The following UNC5A variants were observed in gnomAD, a reference collection of about 807,000 sequenced individuals.
UNC5A encodes the protein unc-5 netrin receptor A, also known as netrin receptor UNC5A.
Under a neutral mutation model 87.4 loss-of-function variants are expected in UNC5A, and 20 were observed. The ratio of observed to expected loss-of-function variants is 0.23; its 90% CI spans 0.16 to 0.33. UNC5A has a LOEUF of 0.33. UNC5A is among the 10% of genes least tolerant of loss of function. The pLI, the probability that UNC5A is intolerant of heterozygous loss-of-function variation, is 1.00. For synonymous variants in UNC5A, 438 were observed against 482.3 expected, an observed-to-expected ratio of 0.91 and a Z score of 1.20; for missense variants, 844 against 1,133.4, an observed-to-expected ratio of 0.74 and a Z score of 3.67.
At chr5:176,832,044 C>T (rs1281860033) in intron 1 of UNC5A, among the ~76,000 whole-genome samples, 1 of 151,934 alleles carries the variant, frequency 6.6e-6, no homozygotes, top group African/African-American at 2.4e-5. Context: ...CTACAGGTGC[C>T]TGCAACCACG....
chr5:176,829,378 GTGGATGGGTGGA>G (rs1359905509), intron 1 of UNC5A, among the ~76,000 whole-genome samples: 70 of 143,172 alleles, frequency 4.9e-4, no homozygotes, highest in African/African-American at 1.4e-3. Context: ...GATAAAGTGG[GTGGATGGGTGGA>G]TGGATGGGTG....
intron 1 of UNC5A, among the ~76,000 whole-genome samples, chr5:176,859,527 TC>T (rs1757776092): frequency 1.4e-5 from 1 of 72,866 alleles, no homozygotes; most frequent in Admixed American, 1.6e-4. Flanking sequence ...TGCTAGAATG[TC>T]CTTGCTAGAG....
chr5:176,842,510 T>TATATATA (rs1757301926), intron 1 of UNC5A, among the ~76,000 whole-genome samples: 1 of 151,036 alleles, frequency 6.6e-6, no homozygotes, highest in African/African-American at 2.5e-5. Context: ...TATATATATA[T>TATATATA]GATGGAATAC....
At chr5:176,826,936 G>A (rs897890864) in intron 1 of UNC5A, among the ~76,000 whole-genome samples, 1 of 152,016 alleles carries the variant, frequency 6.6e-6, no homozygotes, top group African/African-American at 2.4e-5. Context: ...ACCGCGCCCG[G>A]CCCAAACATT....
At chr5:176,834,665 T>TTCTCTCTCTCTCTCTCTCTCTCTC (rs369472376) in intron 1 of UNC5A, among the ~76,000 whole-genome samples, 18 of 101,364 alleles carry the variant, frequency 1.8e-4, no homozygotes, top group African/African-American at 3.1e-4. Flanking sequence ...ACGTCCCGTC[T>TTCTCTCTCTCTCTCTCTCTCTCTC]TCTCTCTCTC....
At position 176,878,458 on chromosome 5, in the gene UNC5A, C is replaced by A. The variant is rs112938392; in HGVS notation, c.2020-17C>A. 2.4e-5 allele frequency: 38 copies of A among 1,611,598 alleles called. No individual in the cohort carries two copies. The highest frequency in any genetic ancestry group is 2.1e-4 in the African/African-American group (16 of 75,038). On this transcript the variant is annotated splice_polypyrimidine_tract_variant and intron_variant, in intron 12 of 14. Coordinates refer to ENST00000329542, the MANE Select transcript of UNC5A (RefSeq NM_133369.3). The stretch of plus-strand genomic sequence containing the variant: ...AGCTTGGGCTCACCTGACACCTCCT[C>A]TCTGCATCCCCATCAGGAGATCCCC...
At chr5:176,855,332 C>T (rs1009423570) in intron 1 of UNC5A, among the ~76,000 whole-genome samples, 7 of 152,246 alleles carry the variant, frequency 4.6e-5, no homozygotes, top group Admixed American at 3.9e-4. Context: ...GGTCTCCCTT[C>T]CCAAAAACCC....
intron 6 of UNC5A, among the ~76,000 whole-genome samples, chr5:176,871,888 C>A (rs74199605): frequency 4.9e-5 from 1 of 20,262 alleles, no homozygotes; most frequent in Admixed American, 3.9e-4. Flanking sequence ...CCACAGCTTC[C>A]CATCTGCCCA....
chr5:176,863,720 C>G (rs1210812356), intron 2 of UNC5A, among the ~76,000 whole-genome samples: 14 of 137,134 alleles, frequency 1.0e-4, no homozygotes, highest in Non-Finnish European at 1.7e-4. Flanking sequence ...TCCTCCTCCC[C>G]CTCCTCCCCC....
chr5:176,879,205 G>A (rs1758346736), intron 13 of UNC5A, 105 bp from the exon 14 acceptor site: 58 of 1,343,326 alleles, frequency 4.3e-5, no homozygotes, highest in Admixed American at 7.1e-5. Context: ...TGCTCATGCC[G>A]CCCCCATGCT....
intron 1 of UNC5A, among the ~76,000 whole-genome samples, chr5:176,811,073 C>A (rs1378979964): frequency 6.6e-6 from 1 of 152,182 alleles, no homozygotes; most frequent in Non-Finnish European, 1.5e-5. Context: ...AGACACCCCA[C>A]GCCTCCGGGT....
At chr5:176,850,091 A>G (rs1056671789) in intron 1 of UNC5A, among the ~76,000 whole-genome samples, 1 of 152,220 alleles carries the variant, frequency 6.6e-6, no homozygotes, top group African/African-American at 2.4e-5. Flanking sequence ...GGAGCAAGCC[A>G]TGCAGCCCCA....
At chr5:176,837,677 C>G (rs995602285) in intron 1 of UNC5A, among the ~76,000 whole-genome samples, 2 of 152,194 alleles carry the variant, frequency 1.3e-5, no homozygotes, top group East Asian at 1.9e-4. Context: ...TCCTAAGATG[C>G]CTTGGGCCCT....
At chr5:176,814,410 C>T (rs2113576867) in intron 1 of UNC5A, among the ~76,000 whole-genome samples, 1 of 152,334 alleles carries the variant, frequency 6.6e-6, no homozygotes, top group South Asian at 2.1e-4. Context: ...GGCTTCCAGA[C>T]TGTAGCTCCT....
chr5:176,864,595 C>A (rs776815402), intron 2 of UNC5A, among the ~76,000 whole-genome samples: 2 of 152,202 alleles, frequency 1.3e-5, no homozygotes, highest in African/African-American at 4.8e-5. Flanking sequence ...GGGGCTCCAA[C>A]CAGCCCTTCT....
chr5:176,844,970 G>A lies in UNC5A; in HGVS notation c.71-17654G>A, dbSNP rs551312863. Among the ~76,000 whole-genome samples, 6 of 152,306 alleles carry A rather than the reference G, an allele frequency of 3.9e-5. No individual in the cohort carries two copies. The highest frequency in any genetic ancestry group is 7.2e-5 in the African/African-American group (3 of 41,570). ...GAAAAGCCCCACCTTATCAGAGGGC[G>A]GTGGTCTTGCCCTCCCCTGAGAGTG... On this transcript the variant is annotated intron_variant, in intron 1 of 14. Coordinates refer to ENST00000329542, the MANE Select transcript of UNC5A (RefSeq NM_133369.3). This position sits in a 1 kb window ranked among gnomAD's most constrained non-coding sequence, Gnocchi z 4.2.
At position 176,867,871 on chromosome 5, in the gene UNC5A, A is replaced by G. The variant is rs509381; in HGVS notation, c.293-259A>G. On this transcript the variant is annotated intron_variant, in intron 2 of 14. Coordinates refer to ENST00000329542, the MANE Select transcript of UNC5A (RefSeq NM_133369.3). ...GGAGTCAGGCCTCAGGTAACAAAGT[A>G]TAATGAATGGAAGGTCTACCCTGCC... Among the ~76,000 whole-genome samples the G allele has an allele frequency of 5.0e-3, 760 of 152,220 alleles. 4 individuals carry two copies. The highest frequency in any genetic ancestry group is 0.017 in the African/African-American group (725 of 41,524).
Position 176,870,442 on chromosome 5 carries a change from A to G in UNC5A, c.794A>G (p.Glu265Gly). 1 of 1,612,206 alleles carries G rather than the reference A, an allele frequency of 6.2e-7. No homozygotes were observed. Among genetic ancestry groups the G allele is most frequent in the Non-Finnish European group, 8.5e-7 (1 of 1,179,504 alleles). The stretch of plus-strand genomic sequence containing the variant: ...GACTGCACCCACTGGCGGAGCCGTG[A>G]GTGCTCTGACCCAGCACCCCGCAAC... ...GLDCTHWRSR[E>G]CSDPAPRNGG... Residue 265 changes from glutamate to glycine, a missense_variant, in exon 6 of 15, where the codon GAG becomes GGG. By Grantham distance (98) the Glu-to-Gly change is moderately conservative. Around this residue, in one of 3 missense-constraint regions of UNC5A, gnomAD observed 314 missense variants for 466.5 expected, o/e 0.67. Coordinates refer to ENST00000329542, the MANE Select transcript of UNC5A (RefSeq NM_133369.3).
rs1757284760 is a variant in UNC5A at position 176,841,936 on chromosome 5, G to A, written c.71-20688G>A. Among the ~76,000 whole-genome samples the A allele has an allele frequency of 6.6e-6, 1 of 152,236 alleles. No homozygotes were observed. Among genetic ancestry groups the A allele is most frequent in the Non-Finnish European group, 1.5e-5 (1 of 68,040 alleles). ...ATCAAGGCCGGGTGCGGTGGCTCAC[G>A]CCGGTAATCCCAGCACTTTGGGAGG... On this transcript the variant is annotated intron_variant, in intron 1 of 14. Transcript: ENST00000329542. This position sits in a 1 kb window ranked among gnomAD's most constrained non-coding sequence, Gnocchi z 4.1.
Sources: allele counts gnomAD v4.1 joint callset (sites outside exome capture counted in the v4.1 genomes callset), GRCh38; gene constraint gnomAD v4.1.1; regional missense constraint gnomAD v4.1.1; non-coding constraint Gnocchi (gnomAD v3.1); transcripts MANE v1.5; gene names NCBI Gene and HGNC (gene_info 2026-07-23, HGNC 2026-07-21).